The following ZFAT variants were observed in gnomAD, a reference collection of about 807,000 sequenced individuals.
ZFAT encodes the protein zinc finger and AT-hook domain containing.
ZFAT carries 64 observed loss-of-function variants against 117.7 expected under a neutral mutation model. The ratio of observed to expected loss-of-function variants is 0.54; its 90% confidence interval spans 0.44 to 0.67. The LOEUF is 0.67. Ranked by LOEUF, ZFAT falls within the 30% of genes least tolerant of loss-of-function variation. The pLI, the probability that ZFAT is intolerant of heterozygous loss-of-function variation, is 0.00. For missense variants in ZFAT, 1,433 were observed against 1,584.5 expected (o/e 0.90, Z 1.62); for synonymous variants, 679 against 615.0 (o/e 1.10, Z -1.54).
chr8:134,763,800 G>A, the ZFAT span, among the ~76,000 whole-genome samples: 443 of 152,290 alleles, frequency 2.9e-3, 1 homozygote, highest in Admixed American at 5.6e-3. Context: ...ACAGTGGCTT[G>A]GGAATGTCCA....
upstream of ZFAT, among the ~76,000 whole-genome samples, chr8:134,715,397 A>G (rs1416129366): frequency 2.6e-5 from 4 of 152,194 alleles, no homozygotes; most frequent in Non-Finnish European, 2.9e-5. Context: ...CTGAGCACCT[A>G]TTATTACTGG....
intron 8 of ZFAT, among the ~76,000 whole-genome samples, chr8:134,589,118 T>C (rs1826269010): frequency 6.6e-6 from 1 of 152,220 alleles, no homozygotes; most frequent in African/African-American, 2.4e-5. Flanking sequence ...TGCTCTTGTA[T>C]TTTGGGATTT....
At chr8:134,559,101 G>A (rs183191470) in intron 11 of ZFAT, among the ~76,000 whole-genome samples, 119 of 152,206 alleles carry the variant, frequency 7.8e-4, no homozygotes, top group Non-Finnish European at 1.2e-3. Context: ...TATTTACTAC[G>A]TTGCTGTTTT....
chr8:134,559,407 A>C (rs185109553), intron 11 of ZFAT, among the ~76,000 whole-genome samples: 1 of 152,328 alleles, frequency 6.6e-6, no homozygotes, highest in Admixed American at 6.5e-5. Context: ...TCCTGTAGCC[A>C]CAAAGCATCA....
At chr8:134,615,318 C>T (rs1187275029) in intron 3 of ZFAT, among the ~76,000 whole-genome samples, 5 of 152,154 alleles carry the variant, frequency 3.3e-5, no homozygotes, top group Non-Finnish European at 7.4e-5. Context: ...TCCCAAGTAG[C>T]TAGGATTACA....
At chr8:134,710,494 C>A (rs1216086761) in intron 1 of ZFAT, among the ~76,000 whole-genome samples, 1 of 152,228 alleles carries the variant, frequency 6.6e-6, no homozygotes. Flanking sequence ...TTTGGACGTA[C>A]CTATGATCCA....
intron 15 of ZFAT, among the ~76,000 whole-genome samples, chr8:134,484,567 A>T (rs67816129): frequency 0.19 from 28,680 of 152,082 alleles, 2,935 homozygotes; most frequent in Middle Eastern, 0.23. Flanking sequence ...AGGGAAGTCA[A>T]GGCTCAGAGA....
At chr8:134,628,761 G>A (rs541190138) in intron 3 of ZFAT, among the ~76,000 whole-genome samples, 187 of 152,280 alleles carry the variant, frequency 1.2e-3, no homozygotes, top group Non-Finnish European at 1.2e-3. Context: ...GGGTGACACT[G>A]GATAGGATGC....
the ZFAT span, among the ~76,000 whole-genome samples, chr8:134,768,387 C>A: frequency 1.4e-4 from 22 of 152,172 alleles, no homozygotes; most frequent in Non-Finnish European, 2.6e-4. Flanking sequence ...ACCAGTTGTT[C>A]CCCAACCTCT....
At chr8:134,650,448 T>C (rs1279983403) in intron 2 of ZFAT, among the ~76,000 whole-genome samples, 1 of 152,122 alleles carries the variant, frequency 6.6e-6, no homozygotes, top group East Asian at 1.9e-4. Context: ...CTTTATAAAT[T>C]ACCCAGTCTC....
chr8:134,738,859 T>C, the ZFAT span, among the ~76,000 whole-genome samples: 1 of 152,154 alleles, frequency 6.6e-6, no homozygotes, highest in African/African-American at 2.4e-5. Context: ...AATTTGGCTG[T>C]GGAGCAGAGA....
the ZFAT span, among the ~76,000 whole-genome samples, chr8:134,824,117 CT>C: frequency 6.6e-6 from 1 of 152,204 alleles, no homozygotes; most frequent in Non-Finnish European, 1.5e-5. Flanking sequence ...AATGTAATAA[CT>C]GCTTTTATGG....
At position 134,602,185 on chromosome 8, in the gene ZFAT, G is replaced by T; in HGVS notation, c.1534C>A (p.Leu512Met). 1 of 1,613,500 alleles carries T rather than the reference G, an allele frequency of 6.2e-7. No individual in the cohort carries two copies. Among genetic ancestry groups the T allele is most frequent in the Non-Finnish European group, 8.5e-7 (1 of 1,180,014 alleles). ...TCCACCAGCTGTAGCTGGTCCCCCA[G>T]AGCTTCTTGCTGGATGTCCCCACCA... ...EPGGDIQQEA[L>M]GDQLQLVEEE... The change falls in exon 6 of 16, where the codon CTG (leucine) becomes ATG (methionine). Residue 512 changes from leucine (L) to methionine (M), a missense_variant. This residue lies in a region of ZFAT where 372 missense variants were observed against 355.6 expected (regional missense o/e 1.05). Transcript: ENST00000377838.
At chr8:134,660,570 C>G (rs1563738768) in intron 1 of ZFAT, among the ~76,000 whole-genome samples, 1 of 152,198 alleles carries the variant, frequency 6.6e-6, no homozygotes, top group African/African-American at 2.4e-5. Context: ...ACAGAACAAT[C>G]CCATGTAATG....
intron 1 of ZFAT, among the ~76,000 whole-genome samples, chr8:134,665,186 AG>A (rs1832149215): frequency 6.6e-6 from 1 of 152,160 alleles, no homozygotes; most frequent in African/African-American, 2.4e-5. Flanking sequence ...ATAGGCCCTG[AG>A]GGGGAGACTG....
At chr8:134,655,912 G>A (rs1312559955) in intron 2 of ZFAT, among the ~76,000 whole-genome samples, 2 of 151,708 alleles carry the variant, frequency 1.3e-5, no homozygotes, top group Non-Finnish European at 2.9e-5. Context: ...AACTTAGCTG[G>A]GTGTGGTGGC....
chr8:134,816,324 C>T, the ZFAT span, among the ~76,000 whole-genome samples: 2 of 152,022 alleles, frequency 1.3e-5, no homozygotes, highest in African/African-American at 4.8e-5. Context: ...GTCTATTTTG[C>T]CAATTATGCT....
chr8:134,538,927 CAGTTA>C (rs1822045550), intron 11 of ZFAT, among the ~76,000 whole-genome samples: 1 of 151,730 alleles, frequency 6.6e-6, no homozygotes. Context: ...GTCAAGAAAG[CAGTTA>C]AGTTGTCACC....
chr8:134,520,091 TC>T (rs1432750535), intron 13 of ZFAT, among the ~76,000 whole-genome samples: 18 of 152,324 alleles, frequency 1.2e-4, no homozygotes, highest in African/African-American at 4.3e-4. Flanking sequence ...CTCTGTAAAG[TC>T]CTTAGATAAA....
Sources: allele counts gnomAD v4.1 joint callset (sites outside exome capture counted in the v4.1 genomes callset), GRCh38; gene constraint gnomAD v4.1.1; regional missense constraint gnomAD v4.1.1; transcripts MANE v1.5; gene names NCBI Gene and HGNC (gene_info 2026-07-23, HGNC 2026-07-21).